The following TPX2 variants were observed in gnomAD, a reference collection of about 807,000 sequenced individuals.
The protein encoded by TPX2 is TPX2 microtubule nucleation factor.
In TPX2, 21 loss-of-function variants were observed where a neutral mutation model predicts 93.6. The ratio of observed to expected loss-of-function variants is 0.22; its 90% CI spans 0.16 to 0.32. The LOEUF is 0.32. Ranked by LOEUF, TPX2 falls within the 10% of genes least tolerant of loss-of-function variation. The pLI, the probability that TPX2 is intolerant of heterozygous loss-of-function variation, is 1.00. For synonymous variants in TPX2, 281 were observed against 298.3 expected (o/e 0.94, Z 0.60); for missense variants, 776 against 871.1 (o/e 0.89, Z 1.37).
chr20:31,757,505 A>T lies in TPX2; in HGVS notation c.29A>T (p.Tyr10Phe). Residue 10 changes from tyrosine to phenylalanine, a missense_variant, in exon 3 of 18, where the codon TAT becomes TTT. By Grantham distance (22) the Tyr-to-Phe change is conservative. Around this residue, in one of 3 missense-constraint regions of TPX2, gnomAD observed 36 missense variants for 58.3 expected, o/e 0.62. Transcript: ENST00000300403. MSQVKSSYS[Y>F]DAPSDFINFS... Reference sequence around the variant, plus strand: ...TCACAAGTTAAAAGCTCTTATTCCTATGATGCCCCCTCGGATTTCATCAAT... The same window carrying T: ...TCACAAGTTAAAAGCTCTTATTCCTTTGATGCCCCCTCGGATTTCATCAAT... 6.2e-7 allele frequency: 1 copy of T among 1,614,088 alleles called. No individual in the cohort carries two copies. Among genetic ancestry groups the T allele is most frequent in the South Asian group, 1.1e-5 (1 of 91,078 alleles).
intron 7 of TPX2, 59 bp downstream of exon 7, chr20:31,771,741 A>C: frequency 6.4e-7 from 1 of 1,555,682 alleles, no homozygotes; most frequent in South Asian, 1.3e-5. Flanking sequence ...ACAGATTTAC[A>C]TCTACAACCT....
chr20:31,776,920 G>T (rs1209423040), intron 8 of TPX2, among the ~76,000 whole-genome samples: 1 of 152,140 alleles, frequency 6.6e-6, no homozygotes, highest in African/African-American at 2.4e-5. Flanking sequence ...AGACCAGTTT[G>T]TTGTTTTCCT....
At chr20:31,765,023 C>G (rs1028144639) in intron 4 of TPX2, among the ~76,000 whole-genome samples, 2 of 151,328 alleles carry the variant, frequency 1.3e-5, no homozygotes, top group African/African-American at 4.9e-5. Flanking sequence ...GGCATGATCA[C>G]AGCTCCCTGC....
intron 10 of TPX2, 52 bp from the exon 11 acceptor site, chr20:31,782,197 A>G: frequency 6.4e-7 from 1 of 1,561,238 alleles, no homozygotes; most frequent in Non-Finnish European, 8.7e-7. Context: ...ACCACTTACA[A>G]GTAAACTGGG....
chr20:31,774,452 A>G (rs960638368), intron 7 of TPX2, among the ~76,000 whole-genome samples: 2 of 152,042 alleles, frequency 1.3e-5, no homozygotes, highest in African/African-American at 4.8e-5. Context: ...ATTTGCCTAT[A>G]AGTGTCCTTG....
At chr20:31,766,736 G>T in intron 5 of TPX2, 54 bp downstream of exon 5, 1 of 1,534,880 alleles carries the variant, frequency 6.5e-7, no homozygotes, top group South Asian at 1.2e-5. Flanking sequence ...TCAAAGGATA[G>T]TTACTGGACA....
chr20:31,778,477 T>G lies in TPX2; in HGVS notation c.883-336T>G, dbSNP rs11696607. 3.3e-3 allele frequency among the ~76,000 whole-genome samples: 503 copies of G among 152,190 alleles called. 2 individuals carry two copies. The highest frequency in any genetic ancestry group is 5.4e-3 in the Non-Finnish European group (367 of 68,006). On this transcript the variant is annotated intron_variant, in intron 9 of 17. Transcript: ENST00000300403. ...TCAATTTTTTTTTTTAAAGTGGAGT[T>G]GAGGGTGAGATTTCTTTGCAGTGCT...
chr20:31,759,791 A>G (rs1442481220), intron 3 of TPX2, among the ~76,000 whole-genome samples: 1 of 152,108 alleles, frequency 6.6e-6, no homozygotes, highest in Non-Finnish European at 1.5e-5. Flanking sequence ...CCAAACAAAG[A>G]TAAGGAGTTA....
intron 1 of TPX2, among the ~76,000 whole-genome samples, chr20:31,741,707 C>T (rs1301567680): frequency 1.3e-5 from 2 of 152,154 alleles, no homozygotes; most frequent in East Asian, 1.9e-4. Flanking sequence ...TCTCAATCTC[C>T]TGACCTCGTA....
chr20:31,785,359 A>G (rs1249366989), intron 12 of TPX2, among the ~76,000 whole-genome samples: 3 of 152,222 alleles, frequency 2.0e-5, no homozygotes, highest in African/African-American at 7.2e-5. Flanking sequence ...AAAGTAGGTT[A>G]TATGCAAACC....
intron 7 of TPX2, 24 bp from the exon 8 acceptor site, chr20:31,775,843 C>T (rs759603780): frequency 3.3e-6 from 5 of 1,528,180 alleles, no homozygotes; most frequent in South Asian, 2.6e-5. Context: ...CTCCTCTCTT[C>T]TCATTTACTG....
At chr20:31,746,193 A>G (rs1450904438) in intron 2 of TPX2, among the ~76,000 whole-genome samples, 13 of 152,228 alleles carry the variant, frequency 8.5e-5, no homozygotes, top group Admixed American at 3.3e-4. Flanking sequence ...ATTTCAACAT[A>G]GAAGTTAGCA....
At chr20:31,754,970 C>T (rs890499723) in intron 2 of TPX2, among the ~76,000 whole-genome samples, 3 of 152,036 alleles carry the variant, frequency 2.0e-5, no homozygotes, top group Admixed American at 2.0e-4. Context: ...ATTTTTGAGC[C>T]GGAGTCTCGC....
chr20:31,792,877 G>A, intron 13 of TPX2, 47 bp downstream of exon 13: 1 of 1,520,276 alleles, frequency 6.6e-7, no homozygotes, highest in Non-Finnish European at 9.1e-7. Flanking sequence ...TATATAGTCA[G>A]TCAATCTAAG....
chr20:31,775,892 G>A lies in TPX2; in HGVS notation c.634G>A (p.Glu212Lys). ...AKQKFLKSTE[E>K]QELEKSMKMQ... The stretch of plus-strand genomic sequence containing the variant: ...GCAGAAGTTTCTAAAAAGTACTGAG[G>A]AGCAAGAGCTGGAGAAGAGTATGAA... Residue 212 changes from glutamate to lysine, a missense_variant, in exon 8 of 18, where the codon GAG becomes AAG. Transcript: ENST00000300403. The A allele has an allele frequency of 1.3e-6, 2 of 1,598,754 alleles. No homozygotes were observed. The highest frequency in any genetic ancestry group is 1.7e-6 in the Non-Finnish European group (2 of 1,171,952).
Position 31,759,396 on chromosome 20 carries a change from G to GTTT in TPX2, c.107-641_107-639dup, listed in dbSNP as rs35468756. Among the ~76,000 whole-genome samples, 283 of 100,382 alleles carry GTTT rather than the reference G, an allele frequency of 2.8e-3. 2 individuals carry two copies. Among genetic ancestry groups the GTTT allele is most frequent in the African/African-American group, 8.2e-3 (184 of 22,564 alleles). The allele number at this position is 100,382 out of a possible 152,430, so 65.9% of individuals were successfully genotyped here. A position where few individuals can be genotyped will look rare whatever the true frequency, so the allele number is the denominator to read the frequency against. On this transcript the variant is annotated intron_variant, in intron 3 of 17. Transcript: ENST00000300403. ...TTTTTGATGGTTACAGTTTTCTTTC[G>GTTT]TTTTTTTTTTTTTTTTTTTTTTGAG...
chr20:31,781,034 C>A, intron 10 of TPX2: 1 of 331,626 alleles, frequency 3.0e-6, no homozygotes, highest in South Asian at 2.4e-5. Context: ...ATCCTCCTGC[C>A]TTAGCCTTCC....
At chr20:31,756,406 T>G (rs913883670) in intron 2 of TPX2, among the ~76,000 whole-genome samples, 1 of 151,960 alleles carries the variant, frequency 6.6e-6, no homozygotes, top group Admixed American at 6.6e-5. Flanking sequence ...AGATTTTGGT[T>G]GGTAGGCATA....
Position 31,798,565 on chromosome 20 carries a change from A to G in TPX2, c.2133+13A>G, listed in dbSNP as rs1465213311. ...ACGGAGAGAACTGGTAACTGGGAGC[A>G]TGAGCACTGACGAACACAAACATGC... On this transcript the variant is annotated intron_variant, in intron 17 of 17. Transcript: ENST00000300403. 9 of 1,593,260 alleles carry G rather than the reference A, an allele frequency of 5.6e-6. No homozygotes were observed. The highest frequency in any genetic ancestry group is 7.7e-6 in the Non-Finnish European group (9 of 1,172,592).
Sources: gnomAD v4.1 joint callset for allele counts (sites outside exome capture counted in the v4.1 genomes callset) on GRCh38, gnomAD v4.1.1 for gene constraint, gnomAD v4.1.1 regional missense constraint, MANE v1.5 for transcripts, NCBI Gene and HGNC (gene_info 2026-07-23, HGNC 2026-07-21) for gene names.